GRID1: variants seen among roughly 807,000 people sequenced by gnomAD.
The protein encoded by GRID1 is glutamate ionotropic receptor delta type subunit 1.
GRID1 carries 28 observed loss-of-function variants against 98.0 expected under a neutral mutation model. The ratio of observed to expected loss-of-function variants is 0.29; its 90% confidence interval spans 0.21 to 0.39. The LOEUF (loss-of-function observed/expected upper bound fraction) is 0.39. Ranked by LOEUF, GRID1 falls within the 10% of genes least tolerant of loss-of-function variation. The pLI, the probability that GRID1 is intolerant of heterozygous loss-of-function variation, is 1.00. For missense variants in GRID1, 1,111 were observed against 1,340.5 expected, an observed-to-expected ratio of 0.83 and a Z score of 2.67; for synonymous variants, 553 against 538.5, an observed-to-expected ratio of 1.03 and a Z score of -0.37.
intron 8 of GRID1, among the ~76,000 whole-genome samples, chr10:85,781,556 T>A (rs901591189): frequency 6.6e-6 from 1 of 152,212 alleles, no homozygotes; most frequent in Non-Finnish European, 1.5e-5. Context: ...ATAAAATGCC[T>A]GTGTGATGCT....
intron 2 of GRID1, among the ~76,000 whole-genome samples, chr10:86,286,937 C>A (rs576696430): frequency 6.6e-6 from 1 of 152,278 alleles, no homozygotes; most frequent in Admixed American, 6.5e-5. Context: ...TGGGCACCTG[C>A]AAGATCCTGG....
intron 3 of GRID1, among the ~76,000 whole-genome samples, chr10:86,171,125 C>T (rs1845479657): frequency 6.6e-6 from 1 of 152,190 alleles, no homozygotes. Context: ...GACTAAGGCA[C>T]CTGTATTTTT....
chr10:86,172,363 C>T (rs1282150951), intron 3 of GRID1, among the ~76,000 whole-genome samples: 1 of 152,144 alleles, frequency 6.6e-6, no homozygotes, highest in Non-Finnish European at 1.5e-5. Context: ...AATAATACTC[C>T]ATTGTGTGAG....
chr10:86,184,236 G>T (rs1418635645), intron 3 of GRID1, among the ~76,000 whole-genome samples: 1 of 152,150 alleles, frequency 6.6e-6, no homozygotes, highest in African/African-American at 2.4e-5. Flanking sequence ...TTCAAAGAGT[G>T]CAAGTTCTTA....
At chr10:86,141,712 T>G (rs1564688261) in intron 3 of GRID1, among the ~76,000 whole-genome samples, 3 of 152,236 alleles carry the variant, frequency 2.0e-5, no homozygotes, top group African/African-American at 7.2e-5. Flanking sequence ...ACTAGCTACA[T>G]TTCAAGTACT....
At chr10:85,628,544 T>G (rs543679280) in intron 13 of GRID1, among the ~76,000 whole-genome samples, 1 of 152,046 alleles carries the variant, frequency 6.6e-6, no homozygotes, top group Non-Finnish European at 1.5e-5. Flanking sequence ...AAAGAGCCCA[T>G]CTCTAAAGAG....
intron 13 of GRID1, among the ~76,000 whole-genome samples, chr10:85,635,369 G>GT (rs1345831337): frequency 6.6e-6 from 1 of 152,134 alleles, no homozygotes; most frequent in Non-Finnish European, 1.5e-5. Context: ...ACTGGCTCTA[G>GT]TAAGACTGAC....
intron 5 of GRID1, among the ~76,000 whole-genome samples, chr10:85,876,912 C>T (rs143115870): frequency 0.02 from 2,985 of 152,298 alleles, 69 homozygotes; most frequent in Non-Finnish European, 0.026. Context: ...CCCAATACTG[C>T]GCTTTTCCAA....
chr10:85,707,956 C>A (rs1366887892), intron 12 of GRID1, among the ~76,000 whole-genome samples: 1 of 151,700 alleles, frequency 6.6e-6, no homozygotes, highest in Non-Finnish European at 1.5e-5. Context: ...CACACTGGGG[C>A]CTGTTGTGGG....
intron 4 of GRID1, among the ~76,000 whole-genome samples, chr10:86,013,674 T>C (rs1010978366): frequency 6.6e-6 from 1 of 152,222 alleles, no homozygotes; most frequent in Non-Finnish European, 1.5e-5. Flanking sequence ...ACTTTCTGTC[T>C]CTGAGCTACA....
intron 3 of GRID1, among the ~76,000 whole-genome samples, chr10:86,149,708 C>T (rs1845136366): frequency 6.6e-6 from 1 of 152,222 alleles, no homozygotes; most frequent in African/African-American, 2.4e-5. Context: ...AACTAATTTA[C>T]ATAATTATCA....
chr10:86,156,460 A>C (rs985577240), intron 3 of GRID1, among the ~76,000 whole-genome samples: 1 of 152,146 alleles, frequency 6.6e-6, no homozygotes, highest in Admixed American at 6.5e-5. Flanking sequence ...TAGGAGACTC[A>C]GGAGGTGAGA....
intron 2 of GRID1, among the ~76,000 whole-genome samples, chr10:86,244,371 CA>C (rs1846687469): frequency 1.3e-5 from 2 of 152,330 alleles, no homozygotes; most frequent in South Asian, 4.1e-4. Context: ...TCAGAGGCCC[CA>C]GGCAGGCGCC....
chr10:85,948,480 A>G (rs1842079635), intron 4 of GRID1, among the ~76,000 whole-genome samples: 1 of 152,206 alleles, frequency 6.6e-6, no homozygotes, highest in African/African-American at 2.4e-5. Flanking sequence ...CACACATCTC[A>G]CTTGGTTTTT....
At chr10:86,250,113 A>G (rs1041034682) in intron 2 of GRID1, among the ~76,000 whole-genome samples, 1 of 152,136 alleles carries the variant, frequency 6.6e-6, no homozygotes, top group South Asian at 2.1e-4. Flanking sequence ...GGATGCATGC[A>G]TGTATGAGTC....
chr10:86,178,615 C>T (rs1458872295), intron 3 of GRID1, among the ~76,000 whole-genome samples: 1 of 151,882 alleles, frequency 6.6e-6, no homozygotes, highest in Non-Finnish European at 1.5e-5. Context: ...CGTGCATCCA[C>T]CCCGGGGCGT....
chr10:85,934,153 GA>G, intron 4 of GRID1, among the ~76,000 whole-genome samples: 1 of 152,136 alleles, frequency 6.6e-6, no homozygotes, highest in East Asian at 1.9e-4. Context: ...AAGCTGTCTG[GA>G]GGGACCTCTG....
At chr10:85,969,931 T>C (rs1378968105) in intron 4 of GRID1, among the ~76,000 whole-genome samples, 1 of 150,928 alleles carries the variant, frequency 6.6e-6, no homozygotes, top group Non-Finnish European at 1.5e-5. Flanking sequence ...ACTGACAAAA[T>C]TGATAAAATT....
intron 8 of GRID1, among the ~76,000 whole-genome samples, chr10:85,812,474 T>C (rs896000276): frequency 7.2e-5 from 11 of 152,178 alleles, no homozygotes; most frequent in African/African-American, 2.4e-4. Context: ...TGATGTATAG[T>C]GGCTGTAAAA....
Sources: allele counts gnomAD v4.1 joint callset (sites outside exome capture counted in the v4.1 genomes callset), GRCh38; gene constraint gnomAD v4.1.1; transcripts MANE v1.5; gene names NCBI Gene and HGNC (gene_info 2026-07-23, HGNC 2026-07-21).